AFDN: variants seen among roughly 807,000 people sequenced by gnomAD.
AFDN encodes the protein afadin.
AFDN carries 68 observed loss-of-function variants against 216.6 expected under a neutral mutation model. The ratio of observed to expected loss-of-function variants is 0.31; its 90% CI spans 0.26 to 0.38. The LOEUF (loss-of-function observed/expected upper bound fraction) is 0.38. Ranked by LOEUF, AFDN falls within the 10% of genes least tolerant of loss-of-function variation. AFDN has a pLI of 1.00. For synonymous variants in AFDN, 868 were observed against 853.7 expected, an observed-to-expected ratio of 1.02 and a Z score of -0.29; for missense variants, 2,136 against 2,342.0, an observed-to-expected ratio of 0.91 and a Z score of 1.82.
At chr6:167,917,383 A>G (rs1791217482) in intron 20 of AFDN, 151 bp downstream of exon 20, 3 of 853,910 alleles carry the variant, frequency 3.5e-6, no homozygotes, top group Non-Finnish European at 5.1e-6. Flanking sequence ...CAAGAGTTCA[A>G]TGAAAAAACA....
intron 11 of AFDN, 113 bp downstream of exon 11, chr6:167,898,580 A>C: frequency 8.1e-7 from 1 of 1,239,324 alleles, no homozygotes; most frequent in Non-Finnish European, 1.1e-6. Flanking sequence ...AAAAATATCA[A>C]AGTGAAGTTT....
rs1049237385 is a variant in AFDN at position 167,913,387 on chromosome 6, G to A, written c.2038-16G>A. On this transcript the variant is annotated splice_polypyrimidine_tract_variant and intron_variant, in intron 15 of 33. Coordinates refer to ENST00000683244, the MANE Select transcript of AFDN (RefSeq NM_001386888.1). Reference sequence around the variant, plus strand: ...CTCTCGTTCTGCTTGATTTCCCCTCGTCTGTTTTTCTCCAGGAAGTAGACC... The same window carrying A: ...CTCTCGTTCTGCTTGATTTCCCCTCATCTGTTTTTCTCCAGGAAGTAGACC... 83 of 1,535,230 alleles carry A rather than the reference G, an allele frequency of 5.4e-5. No individual in the cohort carries two copies. Among genetic ancestry groups the A allele is most frequent in the Middle Eastern group, 5.0e-4 (3 of 6,006 alleles).
At chr6:167,911,262 T>C in intron 14 of AFDN, 22 bp from the exon 15 acceptor site, 2 of 1,608,544 alleles carry the variant, frequency 1.2e-6, no homozygotes, top group Non-Finnish European at 1.7e-6. Context: ...CTTTTTTCTT[T>C]GTTTTTGAAA....
At chr6:167,901,070 C>T (rs912503243) in intron 11 of AFDN, among the ~76,000 whole-genome samples, 35 of 152,146 alleles carry the variant, frequency 2.3e-4, no homozygotes, top group Non-Finnish European at 4.6e-4. Flanking sequence ...TTTGTACCTG[C>T]TCTTCTAATC....
intron 12 of AFDN, among the ~76,000 whole-genome samples, chr6:167,903,146 C>T (rs1017798005): frequency 2.0e-5 from 3 of 152,214 alleles, no homozygotes; most frequent in African/African-American, 7.2e-5. Flanking sequence ...CATTTCCTTT[C>T]TCATTTTCAT....
intron 1 of AFDN, among the ~76,000 whole-genome samples, chr6:167,842,918 C>G (rs563399270): frequency 1.3e-5 from 2 of 152,046 alleles, no homozygotes; most frequent in Admixed American, 1.3e-4. Flanking sequence ...TAGTCATTTG[C>G]TACTATCTGT....
rs137854967 is a variant in AFDN, at chr6:167,891,806, T to G, written c.1177+777T>G. On this transcript the variant is annotated intron_variant, in intron 8 of 33. Transcript: ENST00000683244. ...TATTTCATTATTAAATGCTATTATG[T>G]GACCTGCATTATACAATACTGTGAA... Among the ~76,000 whole-genome samples the G allele has an allele frequency of 5.9e-3, 896 of 152,328 alleles. 18 individuals carry two copies. The highest frequency in any genetic ancestry group is 0.021 in the African/African-American group (864 of 41,574).
intron 10 of AFDN, among the ~76,000 whole-genome samples, chr6:167,897,313 A>C (rs148463325): frequency 4.0e-4 from 61 of 152,358 alleles, no homozygotes; most frequent in Non-Finnish European, 7.1e-4. Flanking sequence ...AGGTCTGACC[A>C]CATAGCATTA....
intron 1 of AFDN, among the ~76,000 whole-genome samples, chr6:167,840,270 A>G (rs1462340922): frequency 1.3e-5 from 2 of 152,254 alleles, no homozygotes; most frequent in Non-Finnish European, 2.9e-5. Context: ...GTGCGCAGAC[A>G]TGTGTGAATA....
At chr6:167,916,336 C>G (rs1196529498) in intron 19 of AFDN, among the ~76,000 whole-genome samples, 4 of 152,222 alleles carry the variant, frequency 2.6e-5, no homozygotes, top group Admixed American at 1.3e-4. Context: ...AAAGATAACA[C>G]TCTTGAGGAC....
intron 23 of AFDN, among the ~76,000 whole-genome samples, chr6:167,939,803 G>A (rs780178929): frequency 2.0e-5 from 3 of 152,162 alleles, no homozygotes; most frequent in Admixed American, 2.0e-4. Context: ...TGTCTTAGAA[G>A]TATTTTTCCG....
chr6:167,911,374 CA>C lies in AFDN; in HGVS notation c.1923del (p.Cys642AlafsTer30). The C allele has an allele frequency of 6.2e-7, 1 of 1,613,780 alleles. No homozygotes were observed. The highest frequency in any genetic ancestry group is 8.5e-7 in the Non-Finnish European group (1 of 1,179,692). ...KLSPTYVLYM[A>X]CRYVLSNQYR... ...TCCCCTACATATGTATTATATATGG[CA>C]TGCCGGTATGTATTGTCCAACCAGT... On this transcript the variant is annotated frameshift_variant, in exon 15 of 34. Coordinates refer to ENST00000683244, the MANE Select transcript of AFDN (RefSeq NM_001386888.1). LOFTEE classifies it high-confidence loss of function.
chr6:167,857,928 A>C (rs1034211925), intron 1 of AFDN, among the ~76,000 whole-genome samples: 2 of 152,196 alleles, frequency 1.3e-5, no homozygotes, highest in African/African-American at 4.8e-5. Context: ...GTGTACGAAT[A>C]TAGTATTTAA....
chr6:167,847,801 A>G (rs796253764), intron 1 of AFDN, among the ~76,000 whole-genome samples: 12 of 152,276 alleles, frequency 7.9e-5, no homozygotes, highest in African/African-American at 2.9e-4. Flanking sequence ...TCTGTTTCCT[A>G]CACAGACATA....
chr6:167,923,654 T>A (rs1792112724), intron 22 of AFDN, among the ~76,000 whole-genome samples: 1 of 140,796 alleles, frequency 7.1e-6, no homozygotes, highest in Non-Finnish European at 1.5e-5. Flanking sequence ...AGACAGAGTC[T>A]CGCTCAGTCG....
chr6:167,842,442 G>A (rs1411165113), intron 1 of AFDN, among the ~76,000 whole-genome samples: 1 of 152,076 alleles, frequency 6.6e-6, no homozygotes, highest in Non-Finnish European at 1.5e-5. Context: ...CTGAGGTCAA[G>A]GAGGCACATT....
chr6:167,882,242 G>A (rs181414217), intron 6 of AFDN, among the ~76,000 whole-genome samples: 164 of 152,150 alleles, frequency 1.1e-3, no homozygotes, highest in Non-Finnish European at 1.8e-3. Flanking sequence ...AAGCGATAGA[G>A]GGGGGAAAAT....
intron 13 of AFDN, among the ~76,000 whole-genome samples, chr6:167,910,796 C>A (rs1388375705): frequency 6.6e-6 from 1 of 152,140 alleles, no homozygotes; most frequent in Non-Finnish European, 1.5e-5. Flanking sequence ...GTAGCAGATG[C>A]AAGACAGACC....
chr6:167,916,343 G>A (rs971354579), intron 19 of AFDN, among the ~76,000 whole-genome samples: 5 of 152,170 alleles, frequency 3.3e-5, no homozygotes, highest in African/African-American at 4.8e-5. Context: ...ACACTCTTGA[G>A]GACTGAGGGT....
Sources: allele counts gnomAD v4.1 joint callset (sites outside exome capture counted in the v4.1 genomes callset), GRCh38; gene constraint gnomAD v4.1.1; transcripts MANE v1.5; gene names NCBI Gene and HGNC (gene_info 2026-07-23, HGNC 2026-07-21).